The following STPG2 variants were observed in gnomAD, a reference collection of about 807,000 sequenced individuals.
STPG2 encodes the protein sperm-tail PG-rich repeat-containing protein 2.
Under a neutral mutation model 54.2 loss-of-function variants are expected in STPG2, and 56 were observed. The ratio of observed to expected loss-of-function variants is 1.03; its 90% CI spans 0.83 to 1.29. STPG2 has a LOEUF of 1.29. Ranked by LOEUF, STPG2 falls within the 50% of genes most tolerant of loss-of-function variation. The probability of loss-of-function intolerance (pLI) is 0.00; values close to 1 mark genes in which losing one functional copy is unlikely to be tolerated. For synonymous variants in STPG2, 200 were observed against 181.8 expected (o/e 1.10, Z -0.81); for missense variants, 596 against 544.9 (o/e 1.09, Z -0.93).
At chr4:97,503,714 T>C (rs1730781890) in intron 4 of STPG2, among the ~76,000 whole-genome samples, 1 of 150,538 alleles carries the variant, frequency 6.6e-6, no homozygotes, top group South Asian at 2.1e-4. Context: ...ATCCACTACA[T>C]GGAAATAACA....
At chr4:97,930,361 T>C (rs773322587) in intron 8 of STPG2, among the ~76,000 whole-genome samples, 8 of 152,210 alleles carry the variant, frequency 5.3e-5, no homozygotes, top group Non-Finnish European at 7.3e-5. Context: ...GTATATGGTA[T>C]AAAAAGGGGG....
intron 9 of STPG2, among the ~76,000 whole-genome samples, chr4:97,763,470 T>G (rs1242586644): frequency 6.6e-6 from 1 of 152,220 alleles, no homozygotes; most frequent in East Asian, 1.9e-4. Context: ...GTTTCTAGTA[T>G]TTAGTTTACT....
chr4:97,777,336 T>G (rs1003108687), intron 9 of STPG2, among the ~76,000 whole-genome samples: 3 of 152,206 alleles, frequency 2.0e-5, no homozygotes, highest in African/African-American at 7.2e-5. Context: ...ATCATCTCTT[T>G]CTTTAAATTA....
At chr4:97,699,313 G>A (rs1723690426) in intron 10 of STPG2, among the ~76,000 whole-genome samples, 1 of 152,126 alleles carries the variant, frequency 6.6e-6, no homozygotes, top group South Asian at 2.1e-4. Context: ...GGGGAAAGAG[G>A]CTGAGTGGTA....
intron 9 of STPG2, among the ~76,000 whole-genome samples, chr4:97,785,924 A>G (rs1726808816): frequency 6.6e-6 from 1 of 152,154 alleles, no homozygotes; most frequent in South Asian, 2.1e-4. Flanking sequence ...CCAAGAAAGG[A>G]GCTACTCAAC....
At chr4:97,757,383 T>A (rs1725762387) in intron 9 of STPG2, among the ~76,000 whole-genome samples, 1 of 152,136 alleles carries the variant, frequency 6.6e-6, no homozygotes, top group Non-Finnish European at 1.5e-5. Flanking sequence ...AACACCAAGA[T>A]GAGATACTGT....
intron 10 of STPG2, among the ~76,000 whole-genome samples, chr4:97,593,773 T>C (rs1733208291): frequency 6.6e-6 from 1 of 152,126 alleles, no homozygotes; most frequent in South Asian, 2.1e-4. Flanking sequence ...CTGTGGCCAG[T>C]GGTACAAGAA....
intron 1 of STPG2, among the ~76,000 whole-genome samples, chr4:98,139,503 G>A (rs1017249205): frequency 6.6e-6 from 1 of 152,106 alleles, no homozygotes. Flanking sequence ...TGAAATAATT[G>A]TACACTTCTG....
chr4:97,759,145 CAAAG>C (rs1553911192), intron 9 of STPG2, among the ~76,000 whole-genome samples: 17 of 152,046 alleles, frequency 1.1e-4, no homozygotes, highest in Non-Finnish European at 1.3e-4. Context: ...GGCAGGCAAA[CAAAG>C]TCATCCACAA....
intron 10 of STPG2, among the ~76,000 whole-genome samples, chr4:97,651,898 G>A (rs1164700372): frequency 6.6e-6 from 1 of 151,918 alleles, no homozygotes; most frequent in Non-Finnish European, 1.5e-5. Flanking sequence ...CATTTGAAGT[G>A]TCTTTAATAA....
intron 5 of STPG2, among the ~76,000 whole-genome samples, chr4:98,036,726 G>T (rs1578802474): frequency 6.6e-6 from 1 of 151,850 alleles, no homozygotes; most frequent in African/African-American, 2.4e-5. Context: ...ATACCTAGGT[G>T]ATAAAATAGT....
At chr4:97,538,881 C>T (rs2148859416) in intron 4 of STPG2, among the ~76,000 whole-genome samples, 1 of 152,120 alleles carries the variant, frequency 6.6e-6, no homozygotes, top group African/African-American at 2.4e-5. Context: ...GAGTGGGGGC[C>T]AATATTCAAC....
intron 10 of STPG2, among the ~76,000 whole-genome samples, chr4:97,688,593 T>G (rs144677062): frequency 1.9e-3 from 291 of 152,272 alleles, no homozygotes; most frequent in African/African-American, 6.9e-3. Flanking sequence ...GGTCTCAATC[T>G]CCTGACCTTG....
intron 9 of STPG2, among the ~76,000 whole-genome samples, chr4:97,803,544 A>G (rs982119591): frequency 6.6e-5 from 10 of 152,070 alleles, no homozygotes; most frequent in African/African-American, 2.4e-4. Context: ...AGACTTCCCA[A>G]GTTCTCCTGG....
At chr4:97,460,963 C>T (rs1335808107) in intron 4 of STPG2, among the ~76,000 whole-genome samples, 1 of 152,170 alleles carries the variant, frequency 6.6e-6, no homozygotes, top group Admixed American at 6.5e-5. Context: ...CTCAGTTCTC[C>T]TCTTCATTCC....
chr4:97,532,157 A>G (rs938574873), intron 4 of STPG2, among the ~76,000 whole-genome samples: 4 of 152,140 alleles, frequency 2.6e-5, no homozygotes, highest in African/African-American at 9.7e-5. Context: ...CTGTGGTTAA[A>G]TAGACTTTTA....
intron 9 of STPG2, among the ~76,000 whole-genome samples, chr4:97,714,010 G>A (rs1724212306): frequency 6.6e-6 from 1 of 152,108 alleles, no homozygotes; most frequent in Non-Finnish European, 1.5e-5. Flanking sequence ...AAGAATGGTA[G>A]TGAATGAAAT....
chr4:97,958,458 A>C (rs546005500), intron 7 of STPG2, among the ~76,000 whole-genome samples: 2 of 152,352 alleles, frequency 1.3e-5, no homozygotes, highest in Non-Finnish European at 2.9e-5. Flanking sequence ...AGAAGGAATA[A>C]GAATTTACCA....
intron 4 of STPG2, among the ~76,000 whole-genome samples, chr4:97,540,987 T>G (rs1208587154): frequency 1.3e-5 from 2 of 152,136 alleles, no homozygotes; most frequent in Non-Finnish European, 2.9e-5. Flanking sequence ...ATAAGAGGTA[T>G]TTATGACAAA....
Sources: gnomAD v4.1 joint callset for allele counts (sites outside exome capture counted in the v4.1 genomes callset) on GRCh38, gnomAD v4.1.1 for gene constraint, MANE v1.5 for transcripts, NCBI Gene and HGNC (gene_info 2026-07-23, HGNC 2026-07-21) for gene names.